UBE3C: variants seen among roughly 807,000 people sequenced by gnomAD.
The protein encoded by UBE3C is ubiquitin protein ligase E3C.
A neutral mutation model predicts 129.4 loss-of-function variants in UBE3C; 42 were observed. The ratio of observed to expected loss-of-function variants is 0.32; its 90% confidence interval spans 0.25 to 0.42. UBE3C has a LOEUF of 0.42. Among genes scored for constraint, UBE3C ranks in the 10% least tolerant of loss-of-function variants. The pLI is 1.00. For synonymous variants in UBE3C, 510 were observed against 492.4 expected, an observed-to-expected ratio of 1.04 and a Z score of -0.47; for missense variants, 1,049 against 1,319.1, an observed-to-expected ratio of 0.80 and a Z score of 3.17.
At chr7:157,172,038 T>C (rs1218213583) in intron 4 of UBE3C, among the ~76,000 whole-genome samples, 1 of 150,802 alleles carries the variant, frequency 6.6e-6, no homozygotes, top group African/African-American at 2.4e-5. Flanking sequence ...TTTTTTTTTT[T>C]TCCTTTTTGA....
rs77230107 is a variant in UBE3C, at chr7:157,183,108, T to G, written c.992-770T>G. On this transcript the variant is annotated intron_variant, in intron 8 of 22. Coordinates refer to ENST00000348165, the MANE Select transcript of UBE3C (RefSeq NM_014671.3). ...AAATTCTGTGAGCAGAAATGTGGGG[T>G]TTTTTTTCCCACACACCAAGCAATT... Among the ~76,000 whole-genome samples the G allele has an allele frequency of 4.9e-3, 745 of 151,750 alleles. 2 individuals carry two copies. Among genetic ancestry groups the G allele is most frequent in the African/African-American group, 0.016 (661 of 41,330 alleles).
At chr7:157,139,604 C>T (rs1344899429) in intron 1 of UBE3C, among the ~76,000 whole-genome samples, 1 of 152,206 alleles carries the variant, frequency 6.6e-6, no homozygotes, top group East Asian at 1.9e-4. Flanking sequence ...GGCTGGAACT[C>T]GAGGCCGCGC....
intron 19 of UBE3C, among the ~76,000 whole-genome samples, chr7:157,248,911 C>T (rs535442216): frequency 1.3e-5 from 2 of 152,176 alleles, no homozygotes; most frequent in African/African-American, 4.8e-5. Context: ...CCGGCAGGAC[C>T]CCTTGCTTAG....
At chr7:157,187,664 C>T (rs1450408625) in intron 10 of UBE3C, among the ~76,000 whole-genome samples, 1 of 148,000 alleles carries the variant, frequency 6.8e-6, no homozygotes, top group Non-Finnish European at 1.5e-5. Flanking sequence ...TAGGCTCTGC[C>T]CCCCTGGGTT....
At chr7:157,185,878 A>G (rs773601228) in intron 9 of UBE3C, among the ~76,000 whole-genome samples, 14 of 152,144 alleles carry the variant, frequency 9.2e-5, no homozygotes, top group Non-Finnish European at 1.8e-4. Flanking sequence ...TTGTTTGGTA[A>G]GTTATTATAA....
intron 18 of UBE3C, among the ~76,000 whole-genome samples, chr7:157,235,210 A>G (rs28464234): frequency 0.016 from 2,426 of 152,234 alleles, 28 homozygotes; most frequent in Middle Eastern, 0.061. Flanking sequence ...AAAGAAAAGA[A>G]AAGAAAATCT....
intron 19 of UBE3C, among the ~76,000 whole-genome samples, chr7:157,249,537 T>C (rs951852259): frequency 2.6e-5 from 4 of 152,204 alleles, no homozygotes; most frequent in Non-Finnish European, 5.9e-5. Context: ...GGTCTCGAAC[T>C]CCCGACCTCA....
At chr7:157,198,116 C>G in intron 10 of UBE3C, 1 of 1,612,500 alleles carries the variant, frequency 6.2e-7, no homozygotes, top group South Asian at 1.1e-5. Context: ...TGTAAGGTCT[C>G]AATTCTCCAT....
intron 11 of UBE3C, among the ~76,000 whole-genome samples, chr7:157,203,534 T>C (rs3802115): frequency 0.62 from 94,964 of 152,052 alleles, 32,065 homozygotes; most frequent in African/African-American, 0.91. Flanking sequence ...CATAAGTGCC[T>C]CAGCTTAGCA....
rs8101 is a variant in UBE3C at position 157,268,780 on chromosome 7, T to C, written c.*1025T>C. ...CTGGTGCACATCCAGGGAAGAGGAG[T>C]GTCGGTAGTTCTTGCAGTAGGCACT... is the stretch of plus-strand genomic sequence containing the variant. On this transcript the variant is annotated 3_prime_UTR_variant, in exon 23 of 23. Coordinates refer to ENST00000348165, the MANE Select transcript of UBE3C (RefSeq NM_014671.3). The C allele has an allele frequency of 0.5, 76,283 of 152,552 alleles. 22,180 individuals are homozygous for C. The highest frequency in any genetic ancestry group is 0.64 in the Non-Finnish European group (43,339 of 68,002). The allele number at this position is 152,552 out of a possible 1,614,324, so 9.4% of individuals were successfully genotyped here.
chr7:157,239,322 G>A (rs1796235206), intron 18 of UBE3C, among the ~76,000 whole-genome samples: 1 of 152,194 alleles, frequency 6.6e-6, no homozygotes, highest in African/African-American at 2.4e-5. Flanking sequence ...CTAACATTGA[G>A]TTGAAGAATC....
At chr7:157,204,939 G>T (rs1431724711) in intron 11 of UBE3C, among the ~76,000 whole-genome samples, 1 of 152,200 alleles carries the variant, frequency 6.6e-6, no homozygotes, top group Non-Finnish European at 1.5e-5. Context: ...GTTCCCACAG[G>T]CACGCAATTT....
chr7:157,259,731 C>T (rs752685018), intron 22 of UBE3C, among the ~76,000 whole-genome samples: 8 of 152,122 alleles, frequency 5.3e-5, no homozygotes, highest in African/African-American at 7.2e-5. Flanking sequence ...GAGGTGGCAG[C>T]GGGAGCTTCG....
Position 157,174,973 on chromosome 7 carries a change from G to A in UBE3C, c.397G>A (p.Asp133Asn). The change falls in exon 5 of 23, where the codon GAT (aspartate) becomes AAT (asparagine). Residue 133 changes from aspartate (D) to asparagine (N), a missense_variant. Asp to Asn is a conservative substitution (Grantham distance 23). Around this residue, in one of 4 missense-constraint regions of UBE3C, gnomAD observed 489 missense variants for 513.8 expected, o/e 0.95. Transcript: ENST00000348165. ...CAGCTCTCTGTTTGTCAAGCAGTTG[G>A]ATGGATCTGAGAGACTTACATGCTT... ...KHSSLFVKQL[D>N]GSERLTCLFQ... 6.2e-7 allele frequency: 1 copy of A among 1,613,048 alleles called. No homozygotes were observed. Among genetic ancestry groups the A allele is most frequent in the Non-Finnish European group, 8.5e-7 (1 of 1,179,636 alleles).
Position 157,160,360 on chromosome 7 carries a change from C to T in UBE3C, c.67-3450C>T, listed in dbSNP as rs575158349. Among the ~76,000 whole-genome samples, 21 of 152,266 alleles carry T rather than the reference C, an allele frequency of 1.4e-4. 1 individual carries two copies. The South Asian group carries it at 4.4e-3, about 32-fold the overall frequency. ...AAAGTACTGGGATTACAGGTGTGAGCCCCTGCAGCAGCCACTTTCAAATTT... is the reference window on the plus strand; with the variant it reads ...AAAGTACTGGGATTACAGGTGTGAGTCCCTGCAGCAGCCACTTTCAAATTT... On this transcript the variant is annotated intron_variant, in intron 1 of 22. Coordinates refer to ENST00000348165, the MANE Select transcript of UBE3C (RefSeq NM_014671.3).
chr7:157,155,529 T>A (rs1263785430), intron 1 of UBE3C, among the ~76,000 whole-genome samples: 1 of 152,222 alleles, frequency 6.6e-6, no homozygotes, highest in East Asian at 1.9e-4. Context: ...TTACTTAAAT[T>A]TACTTTGACA....
intron 11 of UBE3C, among the ~76,000 whole-genome samples, chr7:157,202,586 G>A (rs967373377): frequency 7.2e-5 from 11 of 152,192 alleles, no homozygotes; most frequent in African/African-American, 9.6e-5. Context: ...AAACCTGGAA[G>A]GCGGAGGTTG....
intron 19 of UBE3C, among the ~76,000 whole-genome samples, chr7:157,250,936 T>G (rs1796606649): frequency 6.6e-6 from 1 of 152,224 alleles, no homozygotes; most frequent in Admixed American, 6.5e-5. Flanking sequence ...AAACGTCGCA[T>G]ATGCAAGAAT....
intron 18 of UBE3C, among the ~76,000 whole-genome samples, chr7:157,240,929 T>A (rs927993459): frequency 6.6e-6 from 1 of 151,772 alleles, no homozygotes; most frequent in Non-Finnish European, 1.5e-5. Context: ...ATCACCAGAG[T>A]GTGTTGGACT....
Sources: allele counts gnomAD v4.1 joint callset (sites outside exome capture counted in the v4.1 genomes callset), GRCh38; gene constraint gnomAD v4.1.1; regional missense constraint gnomAD v4.1.1; transcripts MANE v1.5; gene names NCBI Gene and HGNC (gene_info 2026-07-23, HGNC 2026-07-21).